Variants in NTRK3 observed in about 807,000 individuals in gnomAD.
NTRK3 encodes NT-3 growth factor receptor.
In NTRK3, 24 loss-of-function variants were observed where a neutral mutation model predicts 91.7. The ratio of observed to expected loss-of-function variants is 0.26; its 90% CI spans 0.19 to 0.37. The LOEUF (loss-of-function observed/expected upper bound fraction) is 0.37. Ranked by LOEUF, NTRK3 falls within the 10% of genes least tolerant of loss-of-function variation. The probability of loss-of-function intolerance (pLI) is 1.00; values close to 1 mark genes in which losing one functional copy is unlikely to be tolerated. For synonymous variants in NTRK3, 483 were observed against 404.0 expected, an observed-to-expected ratio of 1.20 and a Z score of -2.34; for missense variants, 880 against 1,068.9, an observed-to-expected ratio of 0.82 and a Z score of 2.46.
chr15:87,977,544 A>G (rs2073829793), intron 14 of NTRK3: 1 of 229,792 alleles, frequency 4.4e-6, no homozygotes, highest in East Asian at 6.2e-5. Context: ...ATAATTAAAA[A>G]ACATCATCCT....
At chr15:87,991,696 G>C (rs999545423) in intron 14 of NTRK3, among the ~76,000 whole-genome samples, 3 of 151,984 alleles carry the variant, frequency 2.0e-5, no homozygotes, top group African/African-American at 7.3e-5. Flanking sequence ...TTCATTTCTT[G>C]CCAGTGCCTT....
chr15:88,179,481 G>A (rs1414315372), intron 5 of NTRK3, among the ~76,000 whole-genome samples: 3 of 152,148 alleles, frequency 2.0e-5, no homozygotes, highest in Non-Finnish European at 4.4e-5. Flanking sequence ...ATGAGATAAT[G>A]TATGGAAAAG....
intron 14 of NTRK3, among the ~76,000 whole-genome samples, chr15:88,029,780 T>G (rs974571959): frequency 1.3e-5 from 2 of 152,250 alleles, no homozygotes; most frequent in African/African-American, 2.4e-5. Context: ...TTTAATTATT[T>G]ATGATAGTGG....
chr15:88,217,357 C>T (rs2049871206), intron 3 of NTRK3, among the ~76,000 whole-genome samples: 2 of 152,226 alleles, frequency 1.3e-5, no homozygotes. Flanking sequence ...ACCCGTGTAT[C>T]CATCGCAGAT....
At chr15:88,099,025 G>A (rs1184931552) in intron 13 of NTRK3, 2 of 231,656 alleles carry the variant, frequency 8.6e-6, no homozygotes, top group Non-Finnish European at 1.7e-5. Context: ...AAGGTGGTAG[G>A]GGTGATGAAC....
intron 14 of NTRK3, among the ~76,000 whole-genome samples, chr15:87,952,966 A>G (rs1019545055): frequency 6.6e-6 from 1 of 152,068 alleles, no homozygotes; most frequent in Non-Finnish European, 1.5e-5. Context: ...CCGCGTGGGC[A>G]GCCACAGCTC....
intron 3 of NTRK3, among the ~76,000 whole-genome samples, chr15:88,217,215 A>C (rs749753774): frequency 6.6e-4 from 100 of 152,348 alleles, no homozygotes; most frequent in Non-Finnish European, 8.8e-5. Context: ...CAGTTAAACA[A>C]AGAATTGCCA....
chr15:87,885,469 T>G (rs2065483330), intron 17 of NTRK3, among the ~76,000 whole-genome samples: 1 of 151,770 alleles, frequency 6.6e-6, no homozygotes, highest in Admixed American at 6.6e-5. Flanking sequence ...AATAGAACAA[T>G]ACGGGAGAGT....
At chr15:88,013,364 G>A (rs1400557084) in intron 14 of NTRK3, among the ~76,000 whole-genome samples, 4 of 152,240 alleles carry the variant, frequency 2.6e-5, no homozygotes, top group Non-Finnish European at 5.9e-5. Flanking sequence ...GTGCACAGTG[G>A]ACCATCGCCA....
chr15:87,982,425 T>C (rs1276028843), intron 14 of NTRK3, among the ~76,000 whole-genome samples: 2 of 152,174 alleles, frequency 1.3e-5, no homozygotes, highest in Non-Finnish European at 2.9e-5. Flanking sequence ...AAGAAGGCCT[T>C]ACCCACCAGG....
At chr15:87,910,166 T>C (rs538427388) in intron 17 of NTRK3, among the ~76,000 whole-genome samples, 1 of 152,090 alleles carries the variant, frequency 6.6e-6, no homozygotes, top group Non-Finnish European at 1.5e-5. Context: ...TTTGGTGAAA[T>C]GAAGATTTAC....
Position 88,020,987 on chromosome 15 carries a change from C to T in NTRK3, c.1585+11870G>A, listed in dbSNP as rs143597840. On this transcript the variant is annotated intron_variant, in intron 14 of 18. Coordinates refer to ENST00000394480, the Ensembl canonical transcript of NTRK3. ...AAGCATTTCTCCTTGGAGCAGCTCC[C>T]TAAGATTCCATTCCTAAGAGGCAGC... is the stretch of plus-strand genomic sequence containing the variant. 2.1e-4 allele frequency among the ~76,000 whole-genome samples: 32 copies of T among 152,310 alleles called. No individual in the cohort carries two copies. The East Asian group carries it at 6.2e-3, about 29-fold the overall frequency.
chr15:87,997,844 G>T (rs2075814093), intron 14 of NTRK3, among the ~76,000 whole-genome samples: 2 of 152,176 alleles, frequency 1.3e-5, no homozygotes, highest in Non-Finnish European at 2.9e-5. Context: ...CACACAACGT[G>T]TGCAAATAGC....
In NTRK3 at chr15:88,235,449, C is replaced by G. The variant is rs2051626408; in HGVS notation, c.248+20457G>C. 6.6e-6 allele frequency among the ~76,000 whole-genome samples: 1 copy of G among 152,184 alleles called. No homozygotes were observed. The highest frequency in any genetic ancestry group is 2.1e-4 in the South Asian group (1 of 4,826). On this transcript the variant is annotated intron_variant, in intron 3 of 18. Coordinates refer to ENST00000394480, the Ensembl canonical transcript of NTRK3. This position sits in a 1 kb window ranked among gnomAD's most constrained non-coding sequence, Gnocchi z 5.2. Reference sequence around the variant, plus strand: ...TCAGCAAGCAGGACTCGCAGCTAAACCATTGTGGGAGAGAGACACAAGCCC... The same window carrying G: ...TCAGCAAGCAGGACTCGCAGCTAAAGCATTGTGGGAGAGAGACACAAGCCC...
chr15:88,171,891 T>C (rs2045554354), intron 5 of NTRK3, among the ~76,000 whole-genome samples: 1 of 152,266 alleles, frequency 6.6e-6, no homozygotes, highest in Non-Finnish European at 1.5e-5. Context: ...TTAGGGAGAC[T>C]AGTCTTTGCC....
chr15:88,193,873 C>A (rs892036782), intron 3 of NTRK3, among the ~76,000 whole-genome samples: 5 of 152,146 alleles, frequency 3.3e-5, no homozygotes, highest in African/African-American at 1.2e-4. Flanking sequence ...CTCCAGCTAC[C>A]AACTCATGTG....
chr15:87,886,966 A>C (rs1457622348), intron 17 of NTRK3, among the ~76,000 whole-genome samples: 1 of 151,656 alleles, frequency 6.6e-6, no homozygotes, highest in African/African-American at 2.4e-5. Context: ...TGTTGATGTA[A>C]AAAAAATAGA....
intron 18 of NTRK3, 48 bp from the exon 20 acceptor site, chr15:87,877,168 G>A (rs748697418): frequency 3.8e-6 from 6 of 1,599,702 alleles, no homozygotes; most frequent in Non-Finnish European, 4.3e-6. Context: ...GCTCAGCCTT[G>A]GTCCTGTGGC....
chr15:88,011,277 T>C lies in NTRK3; in HGVS notation c.1585+21580A>G, dbSNP rs541423340. On this transcript the variant is annotated intron_variant, in intron 14 of 18. Coordinates refer to ENST00000394480, the Ensembl canonical transcript of NTRK3. ...TCTTGCTGTCTAGAATTCCTATTCA[T>C]CACCAACAGAAAGCTCAGTCTCCAG... 8.0e-4 allele frequency among the ~76,000 whole-genome samples: 122 copies of C among 152,252 alleles called. 1 individual carries two copies. The highest frequency in any genetic ancestry group is 2.9e-3 in the African/African-American group (121 of 41,556).
Sources: allele counts gnomAD v4.1 joint callset (sites outside exome capture counted in the v4.1 genomes callset), GRCh38; gene constraint gnomAD v4.1.1; non-coding constraint Gnocchi (gnomAD v3.1); transcripts MANE v1.5; gene names NCBI Gene and HGNC (gene_info 2026-07-23, HGNC 2026-07-21).